BTG4: variants seen among roughly 807,000 people sequenced by gnomAD.
BTG4 encodes the protein protein BTG4.
BTG4 carries 10 observed loss-of-function variants against 19.3 expected under a neutral mutation model. The ratio of observed to expected loss-of-function variants is 0.52; its 90% CI spans 0.32 to 0.88. The LOEUF (loss-of-function observed/expected upper bound fraction) is 0.88. BTG4 is among the 40% of genes least tolerant of loss of function. The pLI, the probability that BTG4 is intolerant of heterozygous loss-of-function variation, is 0.04. For synonymous variants in BTG4, 91 were observed against 95.7 expected (o/e 0.95, Z 0.29); for missense variants, 238 against 281.9 (o/e 0.84, Z 1.11).
At chr11:111,449,449 CTA>C in the BTG4 span, 3 of 152,202 alleles carry the variant, frequency 2.0e-5, no homozygotes, top group African/African-American at 7.2e-5. Flanking sequence ...TCAGGAGGGG[CTA>C]TGTTTGACCA....
At chr11:111,410,473 G>T in the BTG4 span, among the ~76,000 whole-genome samples, 1 of 152,094 alleles carries the variant, frequency 6.6e-6, no homozygotes, top group Non-Finnish European at 1.5e-5. Context: ...AACCCTATAA[G>T]GTTTGGGAAT....
At chr11:111,452,966 G>A in the BTG4 span, among the ~76,000 whole-genome samples, 709 of 152,276 alleles carry the variant, frequency 4.7e-3, 5 homozygotes, top group African/African-American at 0.015. Context: ...GAACAGAGAT[G>A]AGAAGGGGAG....
downstream of BTG4, among the ~76,000 whole-genome samples, chr11:111,467,269 A>G (rs1174378163): frequency 2.6e-5 from 4 of 152,244 alleles, no homozygotes. Context: ...CACACAGCCA[A>G]AAAGGCAGAG....
At chr11:111,442,774 T>A in the BTG4 span, among the ~76,000 whole-genome samples, 1 of 151,874 alleles carries the variant, frequency 6.6e-6, no homozygotes, top group Non-Finnish European at 1.5e-5. Flanking sequence ...CATATTGATA[T>A]AAATAAATGT....
the BTG4 span, chr11:111,454,162 T>C: frequency 1.0e-5 from 4 of 399,482 alleles, no homozygotes; most frequent in South Asian, 5.7e-5. Flanking sequence ...AGGAAGAAGA[T>C]GCATGGAAGA....
intron 5 of BTG4, among the ~76,000 whole-genome samples, chr11:111,484,867 T>C (rs191870679): frequency 1.3e-5 from 2 of 152,212 alleles, no homozygotes; most frequent in East Asian, 3.9e-4. Flanking sequence ...AACACCCAAC[T>C]ACATGCTGCC....
At chr11:111,384,596 CAA>C in the BTG4 span, 1 of 151,876 alleles carries the variant, frequency 6.6e-6, no homozygotes. Context: ...TAAATCTAGC[CAA>C]ATTGTCATTC....
intron 5 of BTG4, among the ~76,000 whole-genome samples, chr11:111,479,428 A>G (rs1339916547): frequency 6.6e-6 from 1 of 152,118 alleles, no homozygotes; most frequent in East Asian, 1.9e-4. Flanking sequence ...TGGACAACAG[A>G]GTGAGACCCT....
At position 111,495,171 on chromosome 11, in the gene BTG4, C is replaced by A. The variant is rs1396968785; in HGVS notation, c.654G>T (p.Arg218=). 6.3e-7 allele frequency: 1 copy of A among 1,592,080 alleles called. No individual in the cohort carries two copies. Among genetic ancestry groups the A allele is most frequent in the East Asian group, 2.3e-5 (1 of 43,876 alleles). The change falls in exon 5 of 5, where the codon CGG becomes CGT. Residue 218 remains arginine, a synonymous_variant. Coordinates refer to ENST00000692032, the MANE Select transcript of BTG4 (RefSeq NM_001367975.1). ...HPKCYRPAMH[R]LDRYHWVNTH... ...TGTTGACCCAGTGGTACCTGTCCAG[C>A]CGGTGCATAGCAGGCCTGTAACACT... is the stretch of plus-strand genomic sequence containing the variant.
At chr11:111,455,958 C>A in the BTG4 span, 1 of 365,738 alleles carries the variant, frequency 2.7e-6, no homozygotes, top group Non-Finnish European at 5.8e-6. Flanking sequence ...GTAGAAACTC[C>A]AGTTCCACCC....
At chr11:111,427,525 G>A in the BTG4 span, among the ~76,000 whole-genome samples, 1 of 152,178 alleles carries the variant, frequency 6.6e-6, no homozygotes, top group Admixed American at 6.5e-5. Context: ...ATATTCTTCT[G>A]CCGCTAATCC....
the BTG4 span, among the ~76,000 whole-genome samples, chr11:111,393,976 T>C: frequency 6.6e-6 from 1 of 152,256 alleles, no homozygotes; most frequent in Non-Finnish European, 1.5e-5. Flanking sequence ...CACTTAATGC[T>C]CTGTGTCTTG....
chr11:111,501,650 AAATAGCTAG>A (rs1866089737), intron 1 of BTG4, among the ~76,000 whole-genome samples: 1 of 152,234 alleles, frequency 6.6e-6, no homozygotes, highest in Non-Finnish European at 1.5e-5. Context: ...GTATATTTCA[AAATAGCTAG>A]AAGATTTGTA....
chr11:111,414,443 C>T, the BTG4 span: 1 of 152,208 alleles, frequency 6.6e-6, no homozygotes. Flanking sequence ...TCAGGGAATC[C>T]CTGACACGCC....
intron 5 of BTG4, among the ~76,000 whole-genome samples, chr11:111,467,946 G>A (rs1863819484): frequency 6.6e-6 from 1 of 152,176 alleles, no homozygotes; most frequent in Admixed American, 6.5e-5. Context: ...TAAGAGTCAT[G>A]GTTCCAGCTT....
chr11:111,420,804 CT>C, the BTG4 span, among the ~76,000 whole-genome samples: 1 of 152,192 alleles, frequency 6.6e-6, no homozygotes, highest in East Asian at 1.9e-4. Context: ...AAAAAATAAA[CT>C]AACAGGCCTT....
chr11:111,450,687 C>T, the BTG4 span: 1 of 152,200 alleles, frequency 6.6e-6, no homozygotes, highest in Non-Finnish European at 1.5e-5. Context: ...TGATTATATA[C>T]ATGCTCTTGG....
chr11:111,423,279 G>C, the BTG4 span, among the ~76,000 whole-genome samples: 7 of 152,262 alleles, frequency 4.6e-5, no homozygotes, highest in Non-Finnish European at 1.0e-4. Flanking sequence ...TAGATTCTGG[G>C]AACATCTTCC....
At chr11:111,480,618 A>G (rs1169632957) in intron 5 of BTG4, among the ~76,000 whole-genome samples, 1 of 151,996 alleles carries the variant, frequency 6.6e-6, no homozygotes, top group East Asian at 1.9e-4. Context: ...TTGTCCAACC[A>G]GAACAGAACC....
Sources: gnomAD v4.1 joint callset for allele counts (sites outside exome capture counted in the v4.1 genomes callset) on GRCh38, gnomAD v4.1.1 for gene constraint, MANE v1.5 for transcripts, NCBI Gene and HGNC (gene_info 2026-07-23, HGNC 2026-07-21) for gene names.